PPRC1: variants seen among roughly 807,000 people sequenced by gnomAD.
The protein encoded by PPRC1 is PPARG related coactivator 1.
PPRC1 carries 23 observed loss-of-function variants against 132.5 expected under a neutral mutation model. The ratio of observed to expected loss-of-function variants is 0.17; its 90% CI spans 0.12 to 0.25. The LOEUF (loss-of-function observed/expected upper bound fraction) is 0.25, where lower values mean the gene tolerates loss of function less well. PPRC1 is among the 10% of genes least tolerant of loss of function. PPRC1 has a pLI of 1.00. For synonymous variants in PPRC1, 872 were observed against 833.5 expected, an observed-to-expected ratio of 1.05 and a Z score of -0.80; for missense variants, 2,006 against 2,089.1, an observed-to-expected ratio of 0.96 and a Z score of 0.78.
chr10:102,126,440 C>T, the PPRC1 span, among the ~76,000 whole-genome samples: 1 of 151,224 alleles, frequency 6.6e-6, no homozygotes, highest in Non-Finnish European at 1.5e-5. Flanking sequence ...TACCTGGAAC[C>T]TAGTTTGTGA....
chr10:102,133,361 C>A, intron 1 of PPRC1, 140 bp downstream of exon 1: 2 of 693,378 alleles, frequency 2.9e-6, no homozygotes, highest in Non-Finnish European at 4.0e-6. Flanking sequence ...AGCAAGTGGG[C>A]CCTAGGCCGT....
At chr10:102,138,793 T>C in intron 3 of PPRC1, 28 bp downstream of exon 3, 1 of 1,613,992 alleles carries the variant, frequency 6.2e-7, no homozygotes, top group Non-Finnish European at 8.5e-7. Flanking sequence ...GGAAGGGGAT[T>C]AGTACAAAGT....
At chr10:102,131,921 G>A (rs145694973), upstream of PPRC1, among the ~76,000 whole-genome samples, 34 of 152,310 alleles carry the variant, frequency 2.2e-4, no homozygotes, top group African/African-American at 7.5e-4. Context: ...GCCTCCCAAA[G>A]TGCTGGGACT....
rs771131358 is a variant in PPRC1 at position 102,140,670 on chromosome 10, CCAT to C, written c.2167_2169del (p.Ile723del). ...TCAGAGTCCTTGGACCCACCAAAGA[CCAT>C]CATCCCTGAAGTCAAAGAGGTTGTG... On this transcript the variant is annotated inframe_deletion, in exon 5 of 14. Coordinates refer to ENST00000278070, the MANE Select transcript of PPRC1 (RefSeq NM_015062.5). The C allele has an allele frequency of 1.2e-6, 2 of 1,613,958 alleles. No homozygotes were observed. Among genetic ancestry groups the C allele is most frequent in the East Asian group, 2.2e-5 (1 of 44,892 alleles).
At chr10:102,120,409 G>C in the PPRC1 span, 6 of 984,064 alleles carry the variant, frequency 6.1e-6, no homozygotes, top group East Asian at 5.7e-4. Context: ...GTGCGTGTCT[G>C]TGCGCTCCCG....
At chr10:102,149,432 C>T (rs1216307312) in intron 13 of PPRC1, 103 bp downstream of exon 13, 1 of 1,334,572 alleles carries the variant, frequency 7.5e-7, no homozygotes, top group Non-Finnish European at 9.8e-7. Context: ...CTTAGTTTGA[C>T]ATACAAAGAA....
At chr10:102,121,556 C>A in the PPRC1 span, among the ~76,000 whole-genome samples, 2 of 152,180 alleles carry the variant, frequency 1.3e-5, no homozygotes, top group Non-Finnish European at 2.9e-5. Context: ...ATCTCCATCC[C>A]TTCCCAAAAG....
Position 102,133,102 on chromosome 10 carries a change from G to A in PPRC1, c.34G>A (p.Ala12Thr), listed in dbSNP as rs537292284. 2 of 1,244,246 alleles carry A rather than the reference G, an allele frequency of 1.6e-6. No individual in the cohort carries two copies. The highest frequency in any genetic ancestry group is 2.0e-6 in the Non-Finnish European group (2 of 988,304). The allele number at this position is 1,244,246 out of a possible 1,614,324, so 77.1% of individuals were successfully genotyped here. ...GCGCCGGGGACGGAGAGACGGAGTC[G>A]CGCCGCCCCCGAGTGGGGGCCCCGG... ...AARRGRRDGV[A>T]PPPSGGPGPD... is the part of the protein sequence containing the mutation. The change falls in exon 1 of 14, where the codon GCG becomes ACG. Residue 12 changes from alanine (A) to threonine (T), a missense_variant. By Grantham distance (58) the Ala-to-Thr change is moderately conservative. Around this residue, in one of 2 missense-constraint regions of PPRC1, gnomAD observed 1,914 missense variants for 1,917.2 expected, o/e 1.00. Transcript: ENST00000278070.
upstream of PPRC1, among the ~76,000 whole-genome samples, chr10:102,128,226 G>A (rs150594113): frequency 5.3e-4 from 81 of 151,618 alleles, no homozygotes; most frequent in African/African-American, 1.8e-3. Flanking sequence ...TGCAACCTCC[G>A]ACTCCCTGGT....
At chr10:102,135,730 A>G (rs748515780) in intron 1 of PPRC1, among the ~76,000 whole-genome samples, 1 of 152,228 alleles carries the variant, frequency 6.6e-6, no homozygotes, top group Non-Finnish European at 1.5e-5. Flanking sequence ...GTAAAATGCC[A>G]TTGAAGGGAT....
rs2069346211 is a variant in PPRC1, at chr10:102,148,169, A to G, written c.4401-203A>G. ...TGTGATCTCTTCCAAAACACTTCAC[A>G]ACATTCCAGGTACACCTAAAGTTCC... On this transcript the variant is annotated intron_variant, in intron 9 of 13. Transcript: ENST00000278070. The surrounding 1 kb of genome is among the most constrained non-coding windows in gnomAD (Gnocchi z 4.2). 6.6e-6 allele frequency among the ~76,000 whole-genome samples: 1 copy of G among 152,196 alleles called. No homozygotes were observed. Among genetic ancestry groups the G allele is most frequent in the Non-Finnish European group, 1.5e-5 (1 of 68,036 alleles).
rs2133716049 is a variant in PPRC1, at chr10:102,147,125, C to A, written c.4133C>A (p.Pro1378His). 2.5e-6 allele frequency: 4 copies of A among 1,614,230 alleles called. No individual in the cohort carries two copies. The East Asian group carries it at 8.9e-5, about 36-fold the overall frequency. ...CTTGCCCCATCCAGCTTGCTGTCCC[C>A]TGAGGCCTCACCCTGCCGGAATGAC... The part of the protein sequence containing the change: ...PCLAPSSLLS[P>H]EASPCRNDMN... The change falls in exon 9 of 14, where the codon CCT becomes CAT. Residue 1378 changes from proline (P) to histidine (H), a missense_variant. Pro to His is a moderately conservative substitution (Grantham distance 77, BLOSUM62 -2). Coordinates refer to ENST00000278070, the MANE Select transcript of PPRC1 (RefSeq NM_015062.5).
Position 102,147,243 on chromosome 10 carries a change from G to A in PPRC1, c.4251G>A (p.Gln1417=). Residue 1417 remains glutamine, a synonymous_variant, in exon 9 of 14, where the codon CAG becomes CAA. Transcript: ENST00000278070. The stretch of plus-strand genomic sequence containing the variant: ...GCAGGTCAGCCAGCCCCTCAAGCCA[G>A]GGCTGGCAGGGCCGCCGAGGCCGCA... ...KACRSASPSS[Q]GWQGRRGRNS... 6.2e-7 allele frequency: 1 copy of A among 1,613,196 alleles called. No homozygotes were observed. The highest frequency in any genetic ancestry group is 1.3e-5 in the African/African-American group (1 of 75,068).
the PPRC1 span, among the ~76,000 whole-genome samples, chr10:102,127,853 A>G: frequency 2.0e-5 from 3 of 151,772 alleles, no homozygotes; most frequent in East Asian, 5.8e-4. Context: ...AGCCCAGCCT[A>G]TTTTTTAAAT....
Position 102,148,360 on chromosome 10 carries a change from C to G in PPRC1, c.4401-12C>G, listed in dbSNP as rs750307896. On this transcript the variant is annotated splice_polypyrimidine_tract_variant and intron_variant, in intron 9 of 13. Coordinates refer to ENST00000278070, the MANE Select transcript of PPRC1 (RefSeq NM_015062.5). The surrounding 1 kb of genome is among the most constrained non-coding windows in gnomAD (Gnocchi z 4.2). ...CACTCCCAGCATTCCTGCATGCCCT[C>G]TTATCCTTCAGGTCCAGCTGTAGTT... is the stretch of plus-strand genomic sequence containing the variant. 6.2e-6 allele frequency: 10 copies of G among 1,612,204 alleles called. No individual in the cohort carries two copies. The highest frequency in any genetic ancestry group is 4.5e-5 in the East Asian group (2 of 44,896).
rs148806440 is a variant in PPRC1 at position 102,149,356 on chromosome 10, T to G, written c.4891+27T>G. The G allele has an allele frequency of 1.5e-3, 2,362 of 1,543,254 alleles. 33 individuals carry two copies. In the African/African-American group the frequency reaches 0.027, roughly 18 times the overall value. ...TGAGTGGAGGGAGGGCCTAAAGCTT[T>G]GGAATGCTTCATCCCCTCCCCAGAA... On this transcript the variant is annotated intron_variant, in intron 13 of 13. Transcript: ENST00000278070.
upstream of PPRC1, chr10:102,132,870 C>T (rs2068570884): frequency 1.4e-6 from 1 of 709,726 alleles, no homozygotes; most frequent in Non-Finnish European, 2.0e-6. Context: ...CAAACGGTCC[C>T]CACTTAAAGG....
At chr10:102,149,764 C>T (rs897055223) in intron 13 of PPRC1, among the ~76,000 whole-genome samples, 162 bp from the exon 14 acceptor site, 3 of 149,472 alleles carry the variant, frequency 2.0e-5, no homozygotes, top group East Asian at 2.0e-4. Context: ...AGGGGTGGGA[C>T]GAGAGGAGAA....
chr10:102,133,301 A>G (rs2068590649), intron 1 of PPRC1, 80 bp downstream of exon 1: 1 of 1,166,720 alleles, frequency 8.6e-7, no homozygotes, highest in African/African-American at 1.6e-5. Context: ...CACAGGAAAG[A>G]GAGGAAGCGC....
Sources: allele counts gnomAD v4.1 joint callset (sites outside exome capture counted in the v4.1 genomes callset), GRCh38; gene constraint gnomAD v4.1.1; regional missense constraint gnomAD v4.1.1; non-coding constraint Gnocchi (gnomAD v3.1); transcripts MANE v1.5; gene names NCBI Gene and HGNC (gene_info 2026-07-23, HGNC 2026-07-21).